Variants in FAT4 observed in about 807,000 individuals in gnomAD.
FAT4 encodes FAT atypical cadherin 4.
In FAT4, 84 loss-of-function variants were observed where a neutral mutation model predicts 303.9. The ratio of observed to expected loss-of-function variants is 0.28; its 90% CI spans 0.23 to 0.33. FAT4 has a LOEUF of 0.33. FAT4 is among the 10% of genes least tolerant of loss of function. The pLI is 1.00. For missense variants in FAT4, 6,005 were observed against 6,146.8 expected (o/e 0.98, Z 0.77); for synonymous variants, 2,307 against 2,298.8 (o/e 1.00, Z -0.10).
In FAT4 at chr4:125,479,840, A is replaced by G. The variant is rs1183699154; in HGVS notation, c.12579A>G (p.Gly4193=). The part of the protein sequence containing the change: ...WSWQQCHCKE[G]LTGKYCEKSV... ...GGCAGCAGTGTCATTGCAAAGAGGGACTCACTGGGAAATACTGTGAAAAAT... is the reference window on the plus strand; with the variant it reads ...GGCAGCAGTGTCATTGCAAAGAGGGGCTCACTGGGAAATACTGTGAAAAAT... Residue 4193 remains glycine, a synonymous_variant, in exon 15 of 18, where the codon GGA becomes GGG. Coordinates refer to ENST00000394329, the MANE Select transcript of FAT4 (RefSeq NM_001291303.3). 6.3e-7 allele frequency: 1 copy of G among 1,597,402 alleles called. No individual in the cohort carries two copies. Among genetic ancestry groups the G allele is most frequent in the Non-Finnish European group, 8.6e-7 (1 of 1,168,484 alleles).
rs1301411575 is a variant in FAT4 at position 125,415,033 on chromosome 4, C to A, written c.6070C>A (p.Pro2024Thr). The change falls in exon 6 of 18, where the codon CCA (proline) becomes ACA (threonine). Residue 2024 changes from proline to threonine, a missense_variant. Transcript: ENST00000394329. ...CTTGGTTGTTCAAGTGCATGACCTG[C>A]CACAGATTCCAGCCTCCAGATTCAC... ...YNLVVQVHDL[P>T]QIPASRFTST... 1.3e-5 allele frequency: 21 copies of A among 1,613,938 alleles called. No homozygotes were observed. Among genetic ancestry groups the A allele is most frequent in the Non-Finnish European group, 1.7e-5 (20 of 1,179,980 alleles).
At chr4:125,468,387 T>A in intron 11 of FAT4, 125 bp from the exon 12 acceptor site, 1 of 591,312 alleles carries the variant, frequency 1.7e-6, no homozygotes. Flanking sequence ...TAGATGAAAT[T>A]TTTTGGAAAG....
Position 125,416,454 on chromosome 4 carries a change from G to T in FAT4, c.6850G>T (p.Ala2284Ser). The T allele has an allele frequency of 6.2e-7, 1 of 1,612,990 alleles. No individual in the cohort carries two copies. Among genetic ancestry groups the T allele is most frequent in the Non-Finnish European group, 8.5e-7 (1 of 1,179,372 alleles). Residue 2284 changes from alanine to serine, a missense_variant, in exon 7 of 18, where the codon GCA becomes TCA. Transcript: ENST00000394329. Reference protein sequence around the residue: ...TLPRTILQVVARDDDRGSNSK... With the variant: ...TLPRTILQVVSRDDDRGSNSK... ...GGTATGTACTGTTCTACAGGTGGTG[G>T]CAAGAGATGATGATCGAGGATCTAA...
At chr4:125,414,839 A>T in intron 5 of FAT4, 45 bp from the exon 6 acceptor site, 1 of 1,334,540 alleles carries the variant, frequency 7.5e-7, no homozygotes, top group Non-Finnish European at 1.0e-6. Context: ...CTTGTTCTGC[A>T]ATCAGCATAT....
At chr4:125,487,706 T>A (rs1727460602) in intron 17 of FAT4, 100 bp downstream of exon 17, 1 of 1,175,250 alleles carries the variant, frequency 8.5e-7, no homozygotes, top group Non-Finnish European at 1.1e-6. Context: ...AACATGAATC[T>A]CATATACAGA....
At chr4:125,376,219 T>C (rs1733312842) in intron 2 of FAT4, among the ~76,000 whole-genome samples, 3 of 152,266 alleles carry the variant, frequency 2.0e-5, no homozygotes, top group African/African-American at 7.2e-5. Flanking sequence ...AAAGTAGTGT[T>C]TTAAAACAAA....
rs1242875428 is a variant in FAT4 at position 125,448,734 on chromosome 4, C to T, written c.7724C>T (p.Thr2575Met). The stretch of plus-strand genomic sequence containing the variant: ...CCTAAAGTGAGAGCCAAAGAACAAA[C>T]GTTCATGTTTCCTGAAAACCAACCA... ...DFPKVRAKEQ[T>M]FMFPENQPVS... Residue 2575 changes from threonine (T) to methionine (M), a missense_variant, in exon 10 of 18, where the codon ACG (threonine) becomes ATG (methionine). Thr to Met is a moderately conservative substitution (Grantham distance 81, BLOSUM62 -1). Transcript: ENST00000394329. The T allele has an allele frequency of 6.2e-7, 1 of 1,613,578 alleles. No homozygotes were observed. The highest frequency in any genetic ancestry group is 8.5e-7 in the Non-Finnish European group (1 of 1,179,884).
In FAT4 at chr4:125,451,762, G is replaced by A. The variant is rs1357511665; in HGVS notation, c.10752G>A (p.Leu3584=). The part of the protein sequence containing the change: ...IDREQIADFY[L]SVVTKDSGVP... ...GAGAGCAGATTGCAGACTTCTATCTGTCTGTGGTTACCAAGGATTCTGGTG... is the reference window on the plus strand; with the variant it reads ...GAGAGCAGATTGCAGACTTCTATCTATCTGTGGTTACCAAGGATTCTGGTG... The change falls in exon 10 of 18, where the codon CTG becomes CTA. Residue 3584 remains leucine, a synonymous_variant. Coordinates refer to ENST00000394329, the MANE Select transcript of FAT4 (RefSeq NM_001291303.3). 4 of 1,614,174 alleles carry A rather than the reference G, an allele frequency of 2.5e-6. No homozygotes were observed. The South Asian group carries it at 4.4e-5, about 18-fold the overall frequency.
intron 2 of FAT4, among the ~76,000 whole-genome samples, chr4:125,354,109 A>T (rs1732336586): frequency 6.6e-6 from 1 of 151,728 alleles, no homozygotes; most frequent in Non-Finnish European, 1.5e-5. Flanking sequence ...GGGAAATTGT[A>T]TTGCATTTTA....
rs148400481 is a variant in FAT4, at chr4:125,444,524, A to G, written c.7200-1769A>G. On this transcript the variant is annotated intron_variant, in intron 8 of 17. Coordinates refer to ENST00000394329, the MANE Select transcript of FAT4 (RefSeq NM_001291303.3). ...AACACTGTTACAATGACTAATTTCA[A>G]GGAACATTTAAATGATAGCAAGTCT... Among the ~76,000 whole-genome samples, 310 of 152,266 alleles carry G rather than the reference A, an allele frequency of 2.0e-3. 2 individuals are homozygous for G. Among genetic ancestry groups the G allele is most frequent in the African/African-American group, 6.8e-3 (282 of 41,562 alleles).
chr4:125,319,452 G>T lies in FAT4; in HGVS notation c.3041G>T (p.Arg1014Leu). 6.2e-7 allele frequency: 1 copy of T among 1,613,666 alleles called. No homozygotes were observed. Among genetic ancestry groups the T allele is most frequent in the Non-Finnish European group, 8.5e-7 (1 of 1,179,736 alleles). Residue 1014 changes from arginine (R) to leucine (L), a missense_variant, in exon 2 of 18, where the codon CGA becomes CTA. Physicochemically the swap from Arg to Leu is moderately radical, Grantham distance 102. Transcript: ENST00000394329. ...TCTGAGTCAGAACCTGTGAATTCTC[G>T]ATTCTTTAAAGTACAAGCTTCTGAT... ...TLSESEPVNSRFFKVQASDKD... is the reference protein window; with the variant it reads ...TLSESEPVNSLFFKVQASDKD...
chr4:125,388,891 C>A (rs1401690184), intron 2 of FAT4, among the ~76,000 whole-genome samples: 1 of 152,128 alleles, frequency 6.6e-6, no homozygotes, highest in Non-Finnish European at 1.5e-5. Context: ...ACTCTCCAAG[C>A]CTGCCTGTTA....
At chr4:125,412,821 T>C (rs1311684910) in intron 5 of FAT4, among the ~76,000 whole-genome samples, 2 of 151,896 alleles carry the variant, frequency 1.3e-5, no homozygotes, top group Admixed American at 1.3e-4. Context: ...TTCTCTAGAA[T>C]TAAATTTTAT....
chr4:125,332,118 T>A (rs996376390), intron 2 of FAT4, among the ~76,000 whole-genome samples: 19 of 152,084 alleles, frequency 1.2e-4, no homozygotes, highest in African/African-American at 4.6e-4. Flanking sequence ...TTTAAGAAAA[T>A]GTCTTTCTAT....
intron 2 of FAT4, among the ~76,000 whole-genome samples, chr4:125,356,615 T>C (rs1171756362): frequency 1.3e-5 from 2 of 148,856 alleles, no homozygotes; most frequent in Non-Finnish European, 3.0e-5. Flanking sequence ...GTGCCCCATA[T>C]ATGAGTTATT....
intron 12 of FAT4, among the ~76,000 whole-genome samples, chr4:125,471,587 C>T (rs921839337): frequency 6.6e-6 from 1 of 152,010 alleles, no homozygotes; most frequent in African/African-American, 2.4e-5. Flanking sequence ...AAATATTTGA[C>T]ATAGTATAAT....
Position 125,390,437 on chromosome 4 carries a change from G to A in FAT4, c.5176-8347G>A, listed in dbSNP as rs148036168. ...ACAGCTGAGGCGTGATGGTTGTACT[G>A]ATATTGGTGTGGGTTTCAATTTGGT... On this transcript the variant is annotated intron_variant, in intron 2 of 17. Transcript: ENST00000394329. Among the ~76,000 whole-genome samples, 306 of 152,268 alleles carry A rather than the reference G, an allele frequency of 2.0e-3. 3 individuals carry two copies. The highest frequency in any genetic ancestry group is 0.014 in the Middle Eastern group (4 of 294).
Position 125,318,701 on chromosome 4 carries a change from G to A in FAT4, c.2290G>A (p.Val764Ile), listed in dbSNP as rs746714727. Residue 764 changes from valine to isoleucine, a missense_variant, in exon 2 of 18, where the codon GTA (valine) becomes ATA (isoleucine). Transcript: ENST00000394329. ...EEKTAYQLQI[V>I]ATDGGNLQSP... The stretch of plus-strand genomic sequence containing the variant: ...AAAAACAGCTTATCAGTTGCAAATA[G>A]TAGCTACTGATGGTGGCAATTTACA... 6 of 1,614,118 alleles carry A rather than the reference G, an allele frequency of 3.7e-6. No homozygotes were observed. Among genetic ancestry groups the A allele is most frequent in the Middle Eastern group, 1.6e-4 (1 of 6,062 alleles).
chr4:125,358,434 T>A (rs1235454831), intron 2 of FAT4, among the ~76,000 whole-genome samples: 1 of 152,058 alleles, frequency 6.6e-6, no homozygotes, highest in African/African-American at 2.4e-5. Flanking sequence ...AGTCCTGAAC[T>A]CGTTTTCCTG....
Sources: gnomAD v4.1 joint callset for allele counts (sites outside exome capture counted in the v4.1 genomes callset) on GRCh38, gnomAD v4.1.1 for gene constraint, MANE v1.5 for transcripts, NCBI Gene and HGNC (gene_info 2026-07-23, HGNC 2026-07-21) for gene names.